The following KCTD2 variants were observed in gnomAD, a reference collection of about 807,000 sequenced individuals.
KCTD2 encodes the protein BTB/POZ domain-containing protein KCTD2.
KCTD2 carries 18 observed loss-of-function variants against 27.9 expected under a neutral mutation model. That is an observed-to-expected ratio of 0.64 (90% CI 0.45 to 0.96). The LOEUF (loss-of-function observed/expected upper bound fraction) is 0.96, where lower values mean the gene tolerates loss of function less well. Among genes scored for constraint, KCTD2 ranks in the 40% least tolerant of loss-of-function variants. KCTD2 has a pLI of 0.00. For synonymous variants in KCTD2, 175 were observed against 148.4 expected (o/e 1.18, Z -1.30); for missense variants, 280 against 348.0 (o/e 0.80, Z 1.56).
At chr17:75,047,826 C>T (rs2073242990) in intron 1 of KCTD2, among the ~76,000 whole-genome samples, 2 of 152,140 alleles carry the variant, frequency 1.3e-5, no homozygotes, top group Admixed American at 6.5e-5. Flanking sequence ...CTCTGAGACT[C>T]CTTCCCACAC....
At chr17:75,062,940 G>T in intron 5 of KCTD2, 78 bp from the exon 6 acceptor site, 1 of 1,477,870 alleles carries the variant, frequency 6.8e-7, no homozygotes, top group Non-Finnish European at 9.4e-7. Context: ...CCACTCATCG[G>T]GTCCAGTGGA....
At chr17:75,036,221 G>A (rs1330411476) in intron 3 of KCTD2, among the ~76,000 whole-genome samples, 2 of 150,866 alleles carry the variant, frequency 1.3e-5, no homozygotes, top group African/African-American at 4.9e-5. Context: ...GCCCGGCCAG[G>A]GAATGGAGTT....
At chr17:75,043,587 T>C (rs1184168419), upstream of KCTD2, among the ~76,000 whole-genome samples, 1 of 139,074 alleles carries the variant, frequency 7.2e-6, no homozygotes, top group Non-Finnish European at 1.5e-5. Context: ...CACTCCAGCC[T>C]GGACACAGAG....
At chr17:75,060,068 G>GCGGC (rs2073388262) in intron 4 of KCTD2, among the ~76,000 whole-genome samples, 1 of 152,056 alleles carries the variant, frequency 6.6e-6, no homozygotes, top group African/African-American at 2.4e-5. Flanking sequence ...GAAGTGTGGT[G>GCGGC]CGGCCGTTTC....
upstream of KCTD2, chr17:75,047,112 C>A (rs1222832120): frequency 3.6e-6 from 1 of 274,072 alleles, no homozygotes. Context: ...CCGCGCGGGT[C>A]CCCGGGCGCT....
chr17:75,052,289 A>G (rs2073296282), intron 2 of KCTD2, among the ~76,000 whole-genome samples: 1 of 152,250 alleles, frequency 6.6e-6, no homozygotes, highest in African/African-American at 2.4e-5. Context: ...TTTGCATTTA[A>G]ATAATGCAGT....
chr17:75,059,418 T>C, intron 3 of KCTD2, 92 bp from the exon 4 acceptor site: 1 of 705,894 alleles, frequency 1.4e-6, no homozygotes. Context: ...CAAACTCCTT[T>C]TCAGTGTTTA....
chr17:75,035,910 G>GGCCT (rs2040110805), intron 3 of KCTD2: 1 of 322,528 alleles, frequency 3.1e-6, no homozygotes, highest in African/African-American at 2.2e-5. Context: ...CCAACTCTGT[G>GGCCT]GCCTCAGTCC....
At chr17:75,051,438 C>T (rs2073285673) in intron 2 of KCTD2, among the ~76,000 whole-genome samples, 1 of 151,838 alleles carries the variant, frequency 6.6e-6, no homozygotes, top group African/African-American at 2.4e-5. Flanking sequence ...GTGCATGCCA[C>T]CACGCCTGGC....
chr17:75,055,709 G>A (rs2073342748), intron 3 of KCTD2, among the ~76,000 whole-genome samples: 1 of 152,184 alleles, frequency 6.6e-6, no homozygotes. Flanking sequence ...GCACATGCCT[G>A]TAATCCCAGC....
intron 2 of KCTD2, among the ~76,000 whole-genome samples, chr17:75,050,011 C>T (rs539001263): frequency 6.6e-6 from 1 of 152,310 alleles, no homozygotes; most frequent in African/African-American, 2.4e-5. Context: ...CTTGTAATGG[C>T]TGTACTAGTT....
intron 3 of KCTD2, among the ~76,000 whole-genome samples, chr17:75,037,877 G>A (rs966381035): frequency 6.6e-6 from 1 of 151,822 alleles, no homozygotes; most frequent in Non-Finnish European, 1.5e-5. Context: ...GTGAAACCCC[G>A]TCTCTACTAA....
chr17:75,036,766 G>A (rs988894328), intron 3 of KCTD2, among the ~76,000 whole-genome samples: 4 of 152,248 alleles, frequency 2.6e-5, no homozygotes, highest in African/African-American at 9.6e-5. Context: ...GGATGGCTGA[G>A]TGCCAGTTCA....
At chr17:75,058,420 C>T (rs905264497) in intron 3 of KCTD2, among the ~76,000 whole-genome samples, 2 of 151,950 alleles carry the variant, frequency 1.3e-5, no homozygotes, top group African/African-American at 4.8e-5. Flanking sequence ...AGGAGAATCG[C>T]TTGAACCAGG....
chr17:75,047,636 T>C (rs543502234), intron 1 of KCTD2, 47 bp downstream of exon 1: 6 of 1,561,838 alleles, frequency 3.8e-6, no homozygotes, highest in Non-Finnish European at 5.2e-6. Context: ...AACCCCCTGG[T>C]TTCTCGTAGA....
At chr17:75,057,247 C>G (rs1283537010) in intron 3 of KCTD2, among the ~76,000 whole-genome samples, 1 of 152,044 alleles carries the variant, frequency 6.6e-6, no homozygotes, top group East Asian at 1.9e-4. Flanking sequence ...AGCAACCATA[C>G]CCAGACTCCT....
chr17:75,057,863 C>T (rs1024048155), intron 3 of KCTD2, among the ~76,000 whole-genome samples: 2 of 151,578 alleles, frequency 1.3e-5, no homozygotes, highest in African/African-American at 2.4e-5. Context: ...ACCCGGCGAT[C>T]GTTATACCTC....
chr17:75,050,976 C>CT (rs1448198731), intron 2 of KCTD2, among the ~76,000 whole-genome samples: 14,627 of 137,248 alleles, frequency 0.11, 1,522 homozygotes, highest in African/African-American at 0.27. Flanking sequence ...TCATGCCCAG[C>CT]TTTTTTTTTT....
Position 75,035,954 on chromosome 17 carries a change from C to G in KCTD2, c.-259+597C>G, listed in dbSNP as rs938663418. The G allele has an allele frequency of 1.2e-5, 5 of 411,476 alleles. No individual in the cohort carries two copies. The Admixed American group carries it at 1.3e-4, about 10-fold the overall frequency. 25.5% of individuals were successfully genotyped at this position (411,476 alleles called of 1,614,324 possible). A position where few individuals can be genotyped will look rare whatever the true frequency, so the allele number is the denominator to read the frequency against. ...GGCTCTGTCCACACTCACACGGCAC[C>G]CACCACCCCACTACTCTGTGCTTGG... is the stretch of plus-strand genomic sequence containing the variant. On this transcript the variant is annotated intron_variant, in intron 3 of 7. Coordinates refer to the KCTD2 transcript ENST00000581589.
Sources: allele counts gnomAD v4.1 joint callset (sites outside exome capture counted in the v4.1 genomes callset), GRCh38; gene constraint gnomAD v4.1.1; transcripts MANE v1.5; gene names NCBI Gene and HGNC (gene_info 2026-07-23, HGNC 2026-07-21).